Variants in MEF2A observed in about 807,000 individuals in gnomAD.
The protein encoded by MEF2A is myocyte enhancer factor 2A.
MEF2A carries 28 observed loss-of-function variants against 55.8 expected under a neutral mutation model. That is an observed-to-expected ratio of 0.50 (90% CI 0.37 to 0.69). The LOEUF is 0.69. MEF2A is among the 30% of genes least tolerant of loss of function. The probability of loss-of-function intolerance (pLI) is 0.00; values close to 1 mark genes in which losing one functional copy is unlikely to be tolerated. For synonymous variants in MEF2A, 239 were observed against 227.1 expected (o/e 1.05, Z -0.47); for missense variants, 528 against 626.2 (o/e 0.84, Z 1.67).
intron 10 of MEF2A, among the ~76,000 whole-genome samples, chr15:99,707,514 G>GT (rs894893813): frequency 3.3e-5 from 5 of 152,192 alleles, no homozygotes; most frequent in Non-Finnish European, 7.3e-5. Context: ...TATTAGGAAA[G>GT]TTTAAGAATA....
At chr15:99,572,015 T>G (rs980581039) in intron 1 of MEF2A, among the ~76,000 whole-genome samples, 3 of 20,332 alleles carry the variant, frequency 1.5e-4, no homozygotes, top group Non-Finnish European at 4.4e-4. Context: ...CCATAGAAGT[T>G]TTTTTTTTTT....
Position 99,712,478 on chromosome 15 carries a change from C to A in MEF2A, c.1225C>A (p.Arg409=). Residue 409 remains arginine, a synonymous_variant, in exon 12 of 12, where the codon CGG becomes AGG. Coordinates refer to ENST00000557942, the MANE Select transcript of MEF2A (RefSeq NM_001319206.4). The surrounding 1 kb of genome is among the most constrained non-coding windows in gnomAD (Gnocchi z 4.1). ...SIKSEPISPP[R]DRMTPSGFQQ... is the part of the protein sequence containing the mutation. ...CAAGTCCGAACCGATTTCACCTCCT[C>A]GGGATCGTATGACCCCATCGGGCTT... 2 of 1,551,712 alleles carry A rather than the reference C, an allele frequency of 1.3e-6. No individual in the cohort carries two copies. Among genetic ancestry groups the A allele is most frequent in the Admixed American group, 2.0e-5 (1 of 50,996 alleles).
At chr15:99,567,672 G>C (rs557765467) in intron 1 of MEF2A, among the ~76,000 whole-genome samples, 2 of 132,746 alleles carry the variant, frequency 1.5e-5, no homozygotes, top group Admixed American at 1.5e-4. Context: ...TGTATTTTTG[G>C]AGAGCTCAGT....
chr15:99,684,761 A>G (rs1361569694), intron 7 of MEF2A, among the ~76,000 whole-genome samples: 1 of 151,722 alleles, frequency 6.6e-6, no homozygotes, highest in Non-Finnish European at 1.5e-5. Flanking sequence ...TTGATCATGA[A>G]CCCTTTGTCT....
At chr15:99,681,563 GAGA>G (rs935426189) in intron 7 of MEF2A, among the ~76,000 whole-genome samples, 6 of 152,206 alleles carry the variant, frequency 3.9e-5, no homozygotes, top group Non-Finnish European at 8.8e-5. Flanking sequence ...GTTTCTGAAA[GAGA>G]AGAAGATATG....
chr15:99,611,348 A>C (rs991426162), intron 2 of MEF2A, among the ~76,000 whole-genome samples: 1 of 152,246 alleles, frequency 6.6e-6, no homozygotes, highest in Non-Finnish European at 1.5e-5. Context: ...CGCAACAATG[A>C]AAAGACAGTA....
intron 1 of MEF2A, among the ~76,000 whole-genome samples, chr15:99,594,165 C>T (rs1289536489): frequency 1.3e-5 from 2 of 152,194 alleles, no homozygotes; most frequent in Admixed American, 6.5e-5. Context: ...AACTACAAGT[C>T]CCTGGTTGTG....
intron 2 of MEF2A, among the ~76,000 whole-genome samples, chr15:99,618,698 T>C (rs938697981): frequency 1.3e-5 from 2 of 152,128 alleles, no homozygotes; most frequent in Admixed American, 6.6e-5. Flanking sequence ...CATAAACATA[T>C]CCATGAGAGT....
At chr15:99,672,287 A>G (rs917173540) in intron 5 of MEF2A, among the ~76,000 whole-genome samples, 1 of 152,236 alleles carries the variant, frequency 6.6e-6, no homozygotes, top group Non-Finnish European at 1.5e-5. Context: ...GCTTGGCTTA[A>G]TTTTAATTTA....
intron 8 of MEF2A, among the ~76,000 whole-genome samples, chr15:99,696,787 C>T (rs1022207070): frequency 6.6e-5 from 10 of 151,650 alleles, no homozygotes; most frequent in Admixed American, 5.2e-4. Context: ...TAGGAGAGAA[C>T]ACTTTCCAAC....
chr15:99,699,062 A>C (rs1597251559), intron 8 of MEF2A, among the ~76,000 whole-genome samples: 1 of 151,706 alleles, frequency 6.6e-6, no homozygotes, highest in Non-Finnish European at 1.5e-5. Context: ...AAAATTAAAA[A>C]AAAAAAAACA....
chr15:99,663,438 A>G (rs999657793), intron 4 of MEF2A, among the ~76,000 whole-genome samples: 5 of 152,222 alleles, frequency 3.3e-5, no homozygotes, highest in Admixed American at 1.3e-4. Flanking sequence ...GCTCAACTGT[A>G]TAATTGTCAA....
At chr15:99,588,574 A>T (rs538044590) in intron 1 of MEF2A, among the ~76,000 whole-genome samples, 1 of 151,502 alleles carries the variant, frequency 6.6e-6, no homozygotes, top group East Asian at 2.0e-4. Context: ...CCAAAGTGCT[A>T]GGATTACAGG....
chr15:99,592,096 C>T (rs570476345), intron 1 of MEF2A, among the ~76,000 whole-genome samples: 8 of 151,646 alleles, frequency 5.3e-5, no homozygotes, highest in African/African-American at 1.9e-4. Context: ...TTTTGGCAGA[C>T]TGATAAATTT....
intron 4 of MEF2A, among the ~76,000 whole-genome samples, chr15:99,650,838 A>G (rs1414583274): frequency 6.6e-6 from 1 of 152,206 alleles, no homozygotes; most frequent in African/African-American, 2.4e-5. Flanking sequence ...CTAGAAATGC[A>G]AGTTCTTGGT....
chr15:99,680,594 A>G (rs766530723), intron 7 of MEF2A, among the ~76,000 whole-genome samples: 3 of 152,244 alleles, frequency 2.0e-5, no homozygotes, highest in Non-Finnish European at 4.4e-5. Context: ...TAGAATAAGC[A>G]AAGCTTCATT....
chr15:99,566,892 C>G (rs1257549573), intron 1 of MEF2A, among the ~76,000 whole-genome samples: 1 of 152,160 alleles, frequency 6.6e-6, no homozygotes, highest in Non-Finnish European at 1.5e-5. Flanking sequence ...GAACCGCTGG[C>G]TGAACCCCTG....
intron 1 of MEF2A, among the ~76,000 whole-genome samples, chr15:99,572,083 C>A (rs1202153392): frequency 7.0e-6 from 1 of 142,580 alleles, no homozygotes; most frequent in East Asian, 2.3e-4. Flanking sequence ...TGGATCATAT[C>A]ATTTCTCTGC....
intron 1 of MEF2A, among the ~76,000 whole-genome samples, chr15:99,586,741 G>T (rs964964822): frequency 3.9e-5 from 6 of 152,044 alleles, no homozygotes; most frequent in African/African-American, 1.4e-4. Flanking sequence ...CTTACATGGG[G>T]CAGTGGGATT....
Sources: gnomAD v4.1 joint callset for allele counts (sites outside exome capture counted in the v4.1 genomes callset) on GRCh38, gnomAD v4.1.1 for gene constraint, Gnocchi (gnomAD v3.1) non-coding constraint, MANE v1.5 for transcripts, NCBI Gene and HGNC (gene_info 2026-07-23, HGNC 2026-07-21) for gene names.